Variants in TEP1 observed in about 807,000 individuals in gnomAD.
TEP1 encodes the protein telomerase associated protein 1, also known as telomerase protein component 1.
In TEP1, 241 loss-of-function variants were observed where a neutral mutation model predicts 306.3. The observed-to-expected ratio is 0.79, with a 90% confidence interval of 0.71 to 0.88. The LOEUF (loss-of-function observed/expected upper bound fraction) is 0.88, where lower values mean the gene tolerates loss of function less well. Among genes scored for constraint, TEP1 ranks in the 40% least tolerant of loss-of-function variants. TEP1 has a pLI of 0.00. For synonymous variants in TEP1, 1,289 were observed against 1,305.5 expected, an observed-to-expected ratio of 0.99 and a Z score of 0.27; for missense variants, 3,051 against 3,276.1, an observed-to-expected ratio of 0.93 and a Z score of 1.68.
intron 1 of TEP1, 123 bp downstream of exon 1, chr14:20,413,282 G>C (rs1208105929): frequency 1.3e-5 from 2 of 152,456 alleles, no homozygotes; most frequent in Non-Finnish European, 2.9e-5. Flanking sequence ...AACCGGCCCC[G>C]CCAGGCACTT....
intron 5 of TEP1, among the ~76,000 whole-genome samples, chr14:20,404,253 G>T (rs1432809474): frequency 6.6e-6 from 1 of 151,778 alleles, no homozygotes; most frequent in African/African-American, 2.4e-5. Context: ...TACTTGGGAG[G>T]CTGAGGAAGG....
At chr14:20,410,748 T>A (rs1252288050) in intron 1 of TEP1, among the ~76,000 whole-genome samples, 2 of 150,736 alleles carry the variant, frequency 1.3e-5, no homozygotes, top group Non-Finnish European at 3.0e-5. Context: ...CGGACTCCTT[T>A]TTTTTTAAGC....
At chr14:20,368,717 A>C (rs1294895356) in intron 54 of TEP1, 81 bp downstream of exon 54, 3 of 1,539,800 alleles carry the variant, frequency 1.9e-6, no homozygotes, top group South Asian at 2.3e-5. Context: ...TCTTACTCTA[A>C]GTTTGCTGTC....
intron 9 of TEP1, 95 bp downstream of exon 9, chr14:20,400,889 T>C (rs1878657143): frequency 6.7e-7 from 1 of 1,485,306 alleles, no homozygotes; most frequent in Admixed American, 2.1e-5. Flanking sequence ...AGTAATAACT[T>C]CATCATTCCA....
Position 20,395,477 on chromosome 14 carries a change from C to T in TEP1, c.1901G>A (p.Arg634Lys). ...GGCCTTGTGTACTCTCAGCTTCTCC[C>T]TCTTGAGCTGCTCATACAACACAGG... The part of the protein sequence containing the change: ...RIPVLYEQLK[R>K]EKLRVHKARQ... Residue 634 changes from arginine to lysine, a missense_variant, in exon 12 of 55, where the codon AGG becomes AAG. By Grantham distance (26) the Arg-to-Lys change is conservative (BLOSUM62 2). Around this residue, in one of 3 missense-constraint regions of TEP1, gnomAD observed 1,507 missense variants for 1,550.5 expected, o/e 0.97. Transcript: ENST00000262715. The T allele has an allele frequency of 6.2e-7, 1 of 1,607,444 alleles. No homozygotes were observed.
At chr14:20,403,053 A>C (rs1196941630) in intron 7 of TEP1, among the ~76,000 whole-genome samples, 1 of 150,198 alleles carries the variant, frequency 6.7e-6, no homozygotes, top group African/African-American at 2.4e-5. Flanking sequence ...GCTATTCAGG[A>C]GGCTGAGGCA....
At chr14:20,405,696 G>C in intron 3 of TEP1, 111 bp from the exon 4 acceptor site, 2 of 1,271,704 alleles carry the variant, frequency 1.6e-6, no homozygotes, top group Non-Finnish European at 2.1e-6. Flanking sequence ...GACCCGAGAT[G>C]TGGAGTCCAG....
chr14:20,371,519 A>T lies in TEP1; in HGVS notation c.7190T>A (p.Met2397Lys), dbSNP rs1468426302. Residue 2397 changes from methionine (M) to lysine (K), a missense_variant, in exon 50 of 55, where the codon ATG becomes AAG. Around this residue, in one of 3 missense-constraint regions of TEP1, gnomAD observed 1,540 missense variants for 1,705.9 expected, o/e 0.90. Coordinates refer to ENST00000262715, the MANE Select transcript of TEP1 (RefSeq NM_007110.5). ...LAKADLKLLC[M>K]KPGDAPSEIW... ...TTCAGATGGAGCATCCCCTGGCTTC[A>T]TGCAAAGTAACTTCAAATCTGCTTT... is the stretch of plus-strand genomic sequence containing the variant. 6.2e-7 allele frequency: 1 copy of T among 1,608,434 alleles called. No homozygotes were observed. Among genetic ancestry groups the T allele is most frequent in the African/African-American group, 1.3e-5 (1 of 74,412 alleles).
At chr14:20,377,875 C>CTG (rs1885285143) in intron 39 of TEP1, 122 bp from the exon 40 acceptor site, 1 of 1,451,978 alleles carries the variant, frequency 6.9e-7, no homozygotes, top group Non-Finnish European at 9.5e-7. Flanking sequence ...GAGAGCTGCC[C>CTG]CTGCACACAG....
At chr14:20,404,587 A>G (rs1314569949) in intron 5 of TEP1, 24 bp downstream of exon 5, 1 of 1,600,996 alleles carries the variant, frequency 6.2e-7, no homozygotes, top group Admixed American at 1.7e-5. Context: ...TGAAGGCCCA[A>G]GCTCAGGGAA....
At chr14:20,389,108 A>C in intron 17 of TEP1, 130 bp downstream of exon 17, 1 of 805,274 alleles carries the variant, frequency 1.2e-6, no homozygotes, top group South Asian at 1.8e-5. Flanking sequence ...AGATTGTGCC[A>C]CTGCACTCCA....
rs917509029 is a variant in TEP1 at position 20,381,607 on chromosome 14, G to A, written c.4504C>T (p.Arg1502Cys). 4 of 1,613,946 alleles carry A rather than the reference G, an allele frequency of 2.5e-6. No individual in the cohort carries two copies. The highest frequency in any genetic ancestry group is 2.2e-5 in the East Asian group (1 of 44,866). Residue 1502 changes from arginine (R) to cysteine (C), a missense_variant, in exon 31 of 55, where the codon CGT becomes TGT. This residue lies in a region of TEP1 where 1,540 missense variants were observed against 1,705.9 expected (regional missense o/e 0.90). Coordinates refer to ENST00000262715, the MANE Select transcript of TEP1 (RefSeq NM_007110.5). The surrounding 1 kb of genome is among the most constrained non-coding windows in gnomAD (Gnocchi z 4.0). ...AGCCCTGGCCTCTTCCCATAGCAAC[G>A]TTTAGCTGCTGTTCTCAGGGGCCCA... The part of the protein sequence containing the change: ...PDGPLRTAAK[R>C]CYGKRPGLED...
intron 34 of TEP1, 50 bp downstream of exon 34, chr14:20,380,185 T>C: frequency 1.3e-6 from 2 of 1,592,882 alleles, no homozygotes; most frequent in South Asian, 1.1e-5. Context: ...CAGAAAGAGC[T>C]GCAGCTTGCT....
In TEP1 at chr14:20,377,339, C is replaced by T. The variant is rs1277455805; in HGVS notation, c.6029G>A (p.Arg2010Lys). ...CSLQSLWLLS[R>K]FQKPVLGLAT... Reference sequence around the variant, plus strand: ...CAGTCCTAGCACAGGCTTCTGGAATCTGGACAGGAGCCAGAGGGACTGAAG... The same window carrying T: ...CAGTCCTAGCACAGGCTTCTGGAATTTGGACAGGAGCCAGAGGGACTGAAG... The change falls in exon 41 of 55, where the codon AGA becomes AAA. Residue 2010 changes from arginine to lysine, a missense_variant. By Grantham distance (26) the Arg-to-Lys change is conservative (BLOSUM62 2). This residue lies in a region of TEP1 where 1,540 missense variants were observed against 1,705.9 expected (regional missense o/e 0.90). Transcript: ENST00000262715. 2 of 1,614,060 alleles carry T rather than the reference C, an allele frequency of 1.2e-6. No individual in the cohort carries two copies. The highest frequency in any genetic ancestry group is 2.7e-5 in the African/African-American group (2 of 74,924).
chr14:20,375,789 A>T lies in TEP1; in HGVS notation c.6329T>A (p.Val2110Asp). 1 of 1,613,600 alleles carries T rather than the reference A, an allele frequency of 6.2e-7. No homozygotes were observed. The highest frequency in any genetic ancestry group is 8.5e-7 in the Non-Finnish European group (1 of 1,179,920). Residue 2110 changes from valine (V) to aspartate (D), a missense_variant, in exon 43 of 55, where the codon GTC becomes GAC. By Grantham distance (152) the Val-to-Asp change is radical. This residue lies in a region of TEP1 where 1,540 missense variants were observed against 1,705.9 expected (regional missense o/e 0.90). Coordinates refer to ENST00000262715, the MANE Select transcript of TEP1 (RefSeq NM_007110.5). ...HSFPACHRDW[V>D]TGCAWTKDNL... ...ATCTTTGGTCCAGGCACAGCCAGTG[A>T]CCCAGTCACGGTGACAGGCAGGGAA... is the stretch of plus-strand genomic sequence containing the variant.
intron 28 of TEP1, 81 bp from the exon 29 acceptor site, chr14:20,382,437 G>A (rs1876658759): frequency 6.4e-7 from 1 of 1,556,662 alleles, no homozygotes; most frequent in African/African-American, 1.4e-5. Flanking sequence ...AGGGGCAGCA[G>A]GAGGACAGTG....
chr14:20,371,715 C>T, intron 49 of TEP1, 83 bp from the exon 50 acceptor site: 1 of 1,463,082 alleles, frequency 6.8e-7, no homozygotes, highest in Non-Finnish European at 9.0e-7. Context: ...ATGAATTCCT[C>T]AGGAATGAAG....
Position 20,379,995 on chromosome 14 carries a change from C to T in TEP1, c.5062G>A (p.Gly1688Arg). The T allele has an allele frequency of 2.5e-6, 4 of 1,614,122 alleles. No individual in the cohort carries two copies. The highest frequency in any genetic ancestry group is 4.5e-5 in the East Asian group (2 of 44,884). Residue 1688 changes from glycine to arginine, a missense_variant, in exon 35 of 55, where the codon GGG (glycine) becomes AGG (arginine). Physicochemically the swap from Gly to Arg is moderately radical, Grantham distance 125 (BLOSUM62 -2). Coordinates refer to ENST00000262715, the MANE Select transcript of TEP1 (RefSeq NM_007110.5). ...GCAGTGCCCACAGCTGCTCTTTGCC[C>T]ATTGGTGGAGAAGGCCACAGCAGTA... ...SPTAVAFSTN[G>R]QRAAVGTANG...
intron 54 of TEP1, 53 bp from the exon 55 acceptor site, chr14:20,368,612 CTT>C: frequency 1.2e-6 from 2 of 1,605,684 alleles, no homozygotes; most frequent in Non-Finnish European, 1.7e-6. Flanking sequence ...TCCTTACTAA[CTT>C]ATTTTTTCTC....
Sources: gnomAD v4.1 joint callset for allele counts (sites outside exome capture counted in the v4.1 genomes callset) on GRCh38, gnomAD v4.1.1 for gene constraint, gnomAD v4.1.1 regional missense constraint, Gnocchi (gnomAD v3.1) non-coding constraint, MANE v1.5 for transcripts, NCBI Gene and HGNC (gene_info 2026-07-23, HGNC 2026-07-21) for gene names.